Variants in DNM3 observed in about 807,000 individuals in gnomAD.
The protein encoded by DNM3 is dynamin 3.
In DNM3, 47 loss-of-function variants were observed where a neutral mutation model predicts 101.6. The ratio of observed to expected loss-of-function variants is 0.46; its 90% CI spans 0.37 to 0.59. DNM3 has a LOEUF of 0.59. Among genes scored for constraint, DNM3 ranks in the 20% least tolerant of loss-of-function variants. The pLI, the probability that DNM3 is intolerant of heterozygous loss-of-function variation, is 0.00. For missense variants in DNM3, 849 were observed against 1,085.7 expected (o/e 0.78, Z 3.06); for synonymous variants, 385 against 387.9 (o/e 0.99, Z 0.09).
At chr1:171,993,498 C>CTTTTTTTTTTTTTTTTTTTTTTT (rs145178902) in intron 4 of DNM3, among the ~76,000 whole-genome samples, 5 of 128,698 alleles carry the variant, frequency 3.9e-5, no homozygotes, top group African/African-American at 5.9e-5. Context: ...TTTCAAGATT[C>CTTTTTTTTTTTTTTTTTTTTTTT]TTTTTTTTTT....
intron 4 of DNM3, among the ~76,000 whole-genome samples, chr1:172,012,738 C>G (rs1027323053): frequency 6.6e-6 from 1 of 151,896 alleles, no homozygotes; most frequent in Admixed American, 6.6e-5. Context: ...AGAGTCCCTG[C>G]CAGCGGAGTG....
intron 4 of DNM3, among the ~76,000 whole-genome samples, chr1:171,995,110 T>G (rs960106358): frequency 2.1e-5 from 3 of 145,890 alleles, no homozygotes; most frequent in Middle Eastern, 3.5e-3. Context: ...TTTTTTTTTT[T>G]TTTTTTTTTT....
At chr1:172,092,975 A>G (rs2054014824) in intron 13 of DNM3, 100 bp downstream of exon 13, 1 of 1,154,444 alleles carries the variant, frequency 8.7e-7, no homozygotes. Flanking sequence ...TCACGTGCAA[A>G]TTTTGCTTGA....
In DNM3 at chr1:172,202,480, C is replaced by T. The variant is rs74225367; in HGVS notation, c.1660-51093C>T. 1.2e-3 allele frequency among the ~76,000 whole-genome samples: 176 copies of T among 152,156 alleles called. 5 individuals carry two copies. The East Asian group carries it at 0.031, about 27-fold the overall frequency. ...ATTGGTTAATCACGCTTTCAAATAT[C>T]CTACTTATTACCCATATATACTTTT... On this transcript the variant is annotated intron_variant, in intron 14 of 20. Transcript: ENST00000627582.
intron 17 of DNM3, among the ~76,000 whole-genome samples, chr1:172,342,447 G>GT (rs974464966): frequency 4.6e-5 from 7 of 152,170 alleles, no homozygotes; most frequent in African/African-American, 1.7e-4. Flanking sequence ...ACAAGATTAT[G>GT]TCCTTTGCAG....
intron 14 of DNM3, among the ~76,000 whole-genome samples, chr1:172,211,042 G>C (rs2060496151): frequency 6.6e-6 from 1 of 152,176 alleles, no homozygotes; most frequent in South Asian, 2.1e-4. Context: ...TGAGTAAACG[G>C]AAATATATCT....
chr1:172,138,072 G>A (rs1390486153), intron 14 of DNM3: 1 of 152,106 alleles, frequency 6.6e-6, no homozygotes, highest in Non-Finnish European at 1.5e-5. Context: ...TGTAGCATAA[G>A]CACCTTCTTA....
At chr1:172,162,722 A>G (rs573392598) in intron 14 of DNM3, among the ~76,000 whole-genome samples, 1 of 151,998 alleles carries the variant, frequency 6.6e-6, no homozygotes, top group Non-Finnish European at 1.5e-5. Context: ...TCTCTTAAAA[A>G]TTTTTCTTTT....
chr1:172,119,188 A>C (rs1007239480), intron 13 of DNM3, among the ~76,000 whole-genome samples: 6 of 151,562 alleles, frequency 4.0e-5, no homozygotes, highest in African/African-American at 1.5e-4. Context: ...GATGGGGTTT[A>C]TCCATATTGG....
At chr1:172,172,121 G>A (rs1337455296) in intron 14 of DNM3, among the ~76,000 whole-genome samples, 1 of 151,602 alleles carries the variant, frequency 6.6e-6, no homozygotes, top group Non-Finnish European at 1.5e-5. Flanking sequence ...AGGGTAGAGA[G>A]CCCCCTAAAG....
At chr1:171,904,926 C>T (rs894614737) in intron 1 of DNM3, among the ~76,000 whole-genome samples, 7 of 152,054 alleles carry the variant, frequency 4.6e-5, no homozygotes, top group East Asian at 1.9e-4. Flanking sequence ...AGGGGGATTG[C>T]GCTGGACAAG....
chr1:172,385,284 T>C (rs1053165526), intron 18 of DNM3, among the ~76,000 whole-genome samples: 2 of 152,244 alleles, frequency 1.3e-5, no homozygotes, highest in Admixed American at 6.5e-5. Flanking sequence ...TTTTCAATGT[T>C]AGCCAGATTA....
At chr1:171,973,459 G>A (rs2044157897) in intron 2 of DNM3, among the ~76,000 whole-genome samples, 1 of 151,806 alleles carries the variant, frequency 6.6e-6, no homozygotes, top group Non-Finnish European at 1.5e-5. Context: ...TATATTCTTT[G>A]ATACAGTATG....
chr1:171,995,102 T>TG (rs1558391822), intron 4 of DNM3, among the ~76,000 whole-genome samples: 3 of 143,060 alleles, frequency 2.1e-5, no homozygotes, highest in African/African-American at 7.8e-5. Flanking sequence ...CCAGGTTTTT[T>TG]TTTTTTTTTT....
At chr1:171,955,693 G>A (rs2042807698) in intron 2 of DNM3, among the ~76,000 whole-genome samples, 1 of 152,172 alleles carries the variant, frequency 6.6e-6, no homozygotes, top group South Asian at 2.1e-4. Flanking sequence ...ATTTTCTGTT[G>A]AAGAGATGCC....
chr1:172,324,544 T>A (rs1389814930), intron 17 of DNM3, among the ~76,000 whole-genome samples: 1 of 151,962 alleles, frequency 6.6e-6, no homozygotes, highest in Non-Finnish European at 1.5e-5. Flanking sequence ...TGTGAAGGAG[T>A]AAAGAGGTGA....
At chr1:171,990,898 G>A (rs954802298) in intron 4 of DNM3, among the ~76,000 whole-genome samples, 1 of 152,056 alleles carries the variant, frequency 6.6e-6, no homozygotes, top group African/African-American at 2.4e-5. Flanking sequence ...TCAGTGGCTT[G>A]GAAGAGTCAG....
chr1:172,180,065 C>T (rs1043527487), intron 14 of DNM3, among the ~76,000 whole-genome samples: 2 of 152,006 alleles, frequency 1.3e-5, no homozygotes, highest in African/African-American at 4.8e-5. Flanking sequence ...GCATTGCCTT[C>T]TGTTACCTGG....
At chr1:172,292,841 A>C (rs2063986306) in intron 15 of DNM3, among the ~76,000 whole-genome samples, 1 of 152,096 alleles carries the variant, frequency 6.6e-6, no homozygotes, top group African/African-American at 2.4e-5. Context: ...TACATTTAAG[A>C]CCCTCCCAAA....
Sources: gnomAD v4.1 joint callset for allele counts (sites outside exome capture counted in the v4.1 genomes callset) on GRCh38, gnomAD v4.1.1 for gene constraint, MANE v1.5 for transcripts, NCBI Gene and HGNC (gene_info 2026-07-23, HGNC 2026-07-21) for gene names.